The following ATXN7L1 variants were observed in gnomAD, a reference collection of about 807,000 sequenced individuals.
ATXN7L1 encodes the protein ataxin 7 like 1, also known as ataxin-7-like protein 1.
ATXN7L1 carries 15 observed loss-of-function variants against 70.8 expected under a neutral mutation model. The ratio of observed to expected loss-of-function variants is 0.21; its 90% CI spans 0.14 to 0.33. The LOEUF (loss-of-function observed/expected upper bound fraction) is 0.33. Among genes scored for constraint, ATXN7L1 ranks in the 10% least tolerant of loss-of-function variants. The probability of loss-of-function intolerance (pLI) is 1.00; values close to 1 mark genes in which losing one functional copy is unlikely to be tolerated. For missense variants in ATXN7L1, 975 were observed against 1,097.1 expected, an observed-to-expected ratio of 0.89 and a Z score of 1.57; for synonymous variants, 440 against 445.1, an observed-to-expected ratio of 0.99 and a Z score of 0.14.
chr7:105,614,752 G>C lies in ATXN7L1; in HGVS notation c.1582C>G (p.Pro528Ala), dbSNP rs1376024914. The C allele has an allele frequency of 6.4e-7, 1 of 1,551,744 alleles. No homozygotes were observed. The highest frequency in any genetic ancestry group is 8.7e-7 in the Non-Finnish European group (1 of 1,146,994). Residue 528 changes from proline to alanine, a missense_variant, in exon 10 of 12, where the codon CCA (proline) becomes GCA (alanine). Pro to Ala is a conservative substitution (Grantham distance 27, BLOSUM62 -1). Around this residue, in one of 5 missense-constraint regions of ATXN7L1, gnomAD observed 635 missense variants for 699.4 expected, o/e 0.91. Coordinates refer to ENST00000419735, the MANE Select transcript of ATXN7L1 (RefSeq NM_020725.2). The surrounding 1 kb of genome is among the most constrained non-coding windows in gnomAD (Gnocchi z 4.3). ...SPAAHITTPV[P>A]ASVLQPFSNP... Reference sequence around the variant, plus strand: ...CTGAAAGGCTGCAAAACGGATGCTGGAACGGGGGTGGTGATGTGGGCTGCT... The same window carrying C: ...CTGAAAGGCTGCAAAACGGATGCTGCAACGGGGGTGGTGATGTGGGCTGCT...
chr7:105,619,140 G>GTTTTTTTTTTTTTTTTTTTTTTTTT lies in ATXN7L1; in HGVS notation c.1517+1035_1517+1059dup, dbSNP rs1191774371. Reference sequence around the variant, plus strand: ...GTCCACAACCATAATGAAATCTTTAGTTTTTTTTTTTTTTTTTTTTTTTTT... The same window carrying GTTTTTTTTTTTTTTTTTTTTTTTTT: ...GTCCACAACCATAATGAAATCTTTAGTTTTTTTTTTTTTTTTTTTTTTTTTTTTTTTTTTTTTTTTTTTTTTTTTT... On this transcript the variant is annotated intron_variant, in intron 9 of 11. Transcript: ENST00000419735. 4.0e-5 allele frequency among the ~76,000 whole-genome samples: 2 copies of GTTTTTTTTTTTTTTTTTTTTTTTTT among 49,844 alleles called. 1 individual carries two copies. Among genetic ancestry groups the GTTTTTTTTTTTTTTTTTTTTTTTTT allele is most frequent in the Non-Finnish European group, 6.6e-5 (2 of 30,154 alleles). The allele number at this position is 49,844 out of a possible 152,430, so 32.7% of individuals were successfully genotyped here.
intron 3 of ATXN7L1, among the ~76,000 whole-genome samples, chr7:105,693,161 C>T (rs939117064): frequency 2.0e-5 from 3 of 151,998 alleles, no homozygotes; most frequent in Non-Finnish European, 4.4e-5. Flanking sequence ...TCCAAGAGAA[C>T]CTGGGTGTGG....
chr7:105,799,171 T>A (rs774782360), intron 2 of ATXN7L1, among the ~76,000 whole-genome samples: 4 of 152,226 alleles, frequency 2.6e-5, no homozygotes, highest in Non-Finnish European at 1.5e-5. Flanking sequence ...GTGCCTTACA[T>A]GTGCAGGAAT....
Position 105,749,389 on chromosome 7 carries a change from T to G in ATXN7L1, c.355+39215A>C, listed in dbSNP as rs761207163. Among the ~76,000 whole-genome samples the G allele has an allele frequency of 2.7e-4, 41 of 152,076 alleles. 1 individual carries two copies. Among genetic ancestry groups the G allele is most frequent in the Admixed American group, 1.5e-3 (23 of 15,206 alleles). ...ATCTTTAGTCCTTAACCAATGATTTTAAGTCTAATTCTACCTTTATTTTGA... is the reference window on the plus strand; with the variant it reads ...ATCTTTAGTCCTTAACCAATGATTTGAAGTCTAATTCTACCTTTATTTTGA... On this transcript the variant is annotated intron_variant, in intron 3 of 11. Transcript: ENST00000419735.
In ATXN7L1 at chr7:105,614,315, A is replaced by C; in HGVS notation, c.2019T>G (p.Pro673=). 1 of 1,552,234 alleles carries C rather than the reference A, an allele frequency of 6.4e-7. No homozygotes were observed. The highest frequency in any genetic ancestry group is 1.2e-5 in the South Asian group (1 of 84,054). Residue 673 remains proline (P), a synonymous_variant, in exon 10 of 12, where the codon CCT becomes CCG. Coordinates refer to ENST00000419735, the MANE Select transcript of ATXN7L1 (RefSeq NM_020725.2). The surrounding 1 kb of genome is among the most constrained non-coding windows in gnomAD (Gnocchi z 4.3). ...CATTCAAAACACAGTTCTTTTTGTGAGGCCCTGACAGTGGAGACGAGAGGG... is the reference window on the plus strand; with the variant it reads ...CATTCAAAACACAGTTCTTTTTGTGCGGCCCTGACAGTGGAGACGAGAGGG... ...QTSLSSPLSG[P]HKKNCVLNAS...
At chr7:105,737,384 A>C (rs536128838) in intron 3 of ATXN7L1, among the ~76,000 whole-genome samples, 23 of 152,334 alleles carry the variant, frequency 1.5e-4, no homozygotes, top group African/African-American at 5.5e-4. Context: ...ACTTGTACTA[A>C]ACTCAGTTCA....
At chr7:105,624,374 A>G in intron 7 of ATXN7L1, 107 bp from the exon 8 acceptor site, 1 of 1,138,368 alleles carries the variant, frequency 8.8e-7, no homozygotes. Context: ...GATTAAGGCC[A>G]GGTTCGGTGG....
intron 2 of ATXN7L1, among the ~76,000 whole-genome samples, chr7:105,855,102 G>A (rs1815523982): frequency 6.6e-6 from 1 of 151,976 alleles, no homozygotes; most frequent in South Asian, 2.1e-4. Flanking sequence ...CTACAGGTGT[G>A]CGCCACCACG....
chr7:105,624,816 C>G (rs559333216), intron 7 of ATXN7L1, among the ~76,000 whole-genome samples: 10 of 152,126 alleles, frequency 6.6e-5, no homozygotes, highest in Non-Finnish European at 1.3e-4. Flanking sequence ...TTGTCCCTGG[C>G]GCAGATGACA....
chr7:105,761,377 C>T (rs761803684), intron 3 of ATXN7L1: 1 of 1,614,112 alleles, frequency 6.2e-7, no homozygotes, highest in Non-Finnish European at 8.5e-7. Context: ...GTTTTCCATT[C>T]TCACACCTGA....
intron 8 of ATXN7L1, among the ~76,000 whole-genome samples, chr7:105,622,437 G>A (rs769298683): frequency 6.6e-6 from 1 of 152,188 alleles, no homozygotes; most frequent in Non-Finnish European, 1.5e-5. Context: ...TCCAGTTCCC[G>A]GCTGGCATGT....
At chr7:105,830,040 T>C (rs17356018) in intron 2 of ATXN7L1, among the ~76,000 whole-genome samples, 49,831 of 151,964 alleles carry the variant, frequency 0.33, 8,956 homozygotes, top group East Asian at 0.72. Context: ...TCAAAGCTAA[T>C]AGTGGTAGAT....
At chr7:105,838,227 T>C (rs1274165701) in intron 2 of ATXN7L1, among the ~76,000 whole-genome samples, 1 of 152,234 alleles carries the variant, frequency 6.6e-6, no homozygotes, top group African/African-American at 2.4e-5. Context: ...GCTGGTGGTC[T>C]GCCTGTCGTT....
chr7:105,724,573 CAAAAAAAAAAAAAA>C lies in ATXN7L1; in HGVS notation c.356-59299_356-59286del, dbSNP rs573733959. On this transcript the variant is annotated intron_variant, in intron 3 of 11. Transcript: ENST00000419735. ...TGGACGACAGAGCAAGACTCTGTCTCAAAAAAAAAAAAAAAAAAAAAAAAAAAAAAGGAGGCCGG... is the reference window on the plus strand; with the variant it reads ...TGGACGACAGAGCAAGACTCTGTCTCAAAAAAAAAAAAAAAAGGAGGCCGG... 4.7e-4 allele frequency among the ~76,000 whole-genome samples: 38 copies of C among 80,456 alleles called. 1 individual carries two copies. Among genetic ancestry groups the C allele is most frequent in the African/African-American group, 5.6e-4 (15 of 26,586 alleles). The allele number at this position is 80,456 out of a possible 152,430, so 52.8% of individuals were successfully genotyped here.
intron 7 of ATXN7L1, among the ~76,000 whole-genome samples, chr7:105,635,462 C>T (rs757272302): frequency 2.0e-5 from 3 of 152,372 alleles, no homozygotes; most frequent in South Asian, 4.1e-4. Context: ...CTAACAGCTA[C>T]CATCCATGGA....
chr7:105,783,894 T>C (rs1803891006), intron 3 of ATXN7L1, among the ~76,000 whole-genome samples: 1 of 152,020 alleles, frequency 6.6e-6, no homozygotes, highest in African/African-American at 2.4e-5. Flanking sequence ...GCATCTGAAG[T>C]GGGGACACAG....
At chr7:105,709,115 C>T (rs1793548331) in intron 3 of ATXN7L1, among the ~76,000 whole-genome samples, 1 of 152,180 alleles carries the variant, frequency 6.6e-6, no homozygotes, top group Non-Finnish European at 1.5e-5. Context: ...GGTGGATCAC[C>T]TGAGGTCAGG....
intron 3 of ATXN7L1, among the ~76,000 whole-genome samples, chr7:105,758,826 G>T (rs1800137138): frequency 6.6e-6 from 1 of 152,186 alleles, no homozygotes; most frequent in Non-Finnish European, 1.5e-5. Context: ...CAGTTCATAG[G>T]AAACCACTCT....
chr7:105,846,304 T>C (rs1814029899), intron 2 of ATXN7L1, among the ~76,000 whole-genome samples: 1 of 152,014 alleles, frequency 6.6e-6, no homozygotes, highest in Non-Finnish European at 1.5e-5. Context: ...CGAGACCCTG[T>C]CTCTAAAAGA....
Sources: gnomAD v4.1 joint callset for allele counts (sites outside exome capture counted in the v4.1 genomes callset) on GRCh38, gnomAD v4.1.1 for gene constraint, gnomAD v4.1.1 regional missense constraint, Gnocchi (gnomAD v3.1) non-coding constraint, MANE v1.5 for transcripts, NCBI Gene and HGNC (gene_info 2026-07-23, HGNC 2026-07-21) for gene names.